The following PACS2 variants were observed in gnomAD, a reference collection of about 807,000 sequenced individuals.
PACS2 encodes the protein PACS1-like protein.
A neutral mutation model predicts 113.0 loss-of-function variants in PACS2; 36 were observed. The observed-to-expected ratio is 0.32, with a 90% CI of 0.24 to 0.42. PACS2 has a LOEUF of 0.42. Ranked by LOEUF, PACS2 falls within the 10% of genes least tolerant of loss-of-function variation. PACS2 has a pLI of 1.00. For missense variants in PACS2, 1,015 were observed against 1,239.5 expected (o/e 0.82, Z 2.72); for synonymous variants, 589 against 536.1 (o/e 1.10, Z -1.36).
Position 105,324,848 on chromosome 14 carries a change from C to A in PACS2, c.119+9811C>A, listed in dbSNP as rs587683572. ...GTCCTCTGCATGGTCAGGGGCCATG[C>A]TGGGTCCCCTGGGGTGCAGATGCCG... On this transcript the variant is annotated intron_variant, in intron 1 of 24. Coordinates refer to ENST00000447393, the MANE Select transcript of PACS2 (RefSeq NM_001100913.3). The surrounding 1 kb of genome is among the most constrained non-coding windows in gnomAD (Gnocchi z 4.7). Among the ~76,000 whole-genome samples, 5 of 152,228 alleles carry A rather than the reference C, an allele frequency of 3.3e-5. No homozygotes were observed. The East Asian group carries it at 9.7e-4, about 30-fold the overall frequency.
chr14:105,390,366 C>T (rs587632626), intron 20 of PACS2: 25 of 317,556 alleles, frequency 7.9e-5, no homozygotes, highest in African/African-American at 3.8e-4. Context: ...CCCAAGGCCC[C>T]GGGAGCTTCC....
At chr14:105,392,225 T>A (rs1463065274) in intron 22 of PACS2, 3 of 332,106 alleles carry the variant, frequency 9.0e-6, no homozygotes, top group Non-Finnish European at 1.7e-5. Flanking sequence ...CCAGGCGTGG[T>A]GCTGGTGCTG....
chr14:105,308,465 C>CA (rs1284386122), intron 1 of PACS2, among the ~76,000 whole-genome samples: 4 of 149,336 alleles, frequency 2.7e-5, no homozygotes, highest in Non-Finnish European at 5.9e-5. Flanking sequence ...CTGGGCACGA[C>CA]AGAGGCAGAT....
rs1248321130 is a variant in PACS2 at position 105,324,198 on chromosome 14, G to A, written c.119+9161G>A. Among the ~76,000 whole-genome samples, 2 of 152,218 alleles carry A rather than the reference G, an allele frequency of 1.3e-5. No individual in the cohort carries two copies. Among genetic ancestry groups the A allele is most frequent in the African/African-American group, 4.8e-5 (2 of 41,444 alleles). On this transcript the variant is annotated intron_variant, in intron 1 of 24. Transcript: ENST00000447393. The surrounding 1 kb of genome is among the most constrained non-coding windows in gnomAD (Gnocchi z 4.7). ...AGGTTTGATGGAGTGGGCAGCTGCG[G>A]TGCTGTGGCGGGGTCGGGGGGCTGC...
At chr14:105,379,365 C>T (rs2080899655) in intron 9 of PACS2, among the ~76,000 whole-genome samples, 1 of 152,226 alleles carries the variant, frequency 6.6e-6, no homozygotes, top group Admixed American at 6.5e-5. Flanking sequence ...CCCAGGGCTG[C>T]CCTCCAGCAG....
chr14:105,363,780 G>C (rs1385815265), intron 4 of PACS2, among the ~76,000 whole-genome samples: 5 of 152,134 alleles, frequency 3.3e-5, no homozygotes, highest in African/African-American at 1.2e-4. Flanking sequence ...TCTCGGCTCT[G>C]ACGTGCCTTC....
rs587602655 is a variant in PACS2, at chr14:105,323,953, C to T, written c.119+8916C>T. On this transcript the variant is annotated intron_variant, in intron 1 of 24. Coordinates refer to ENST00000447393, the MANE Select transcript of PACS2 (RefSeq NM_001100913.3). This position sits in a 1 kb window ranked among gnomAD's most constrained non-coding sequence, Gnocchi z 4.1. ...ACCGCTCTGTCCGCGCAGGCTGTGC[C>T]CTGCTTTCAAGATGCCTGGAAACCT... Among the ~76,000 whole-genome samples the T allele has an allele frequency of 2.2e-4, 34 of 152,370 alleles. No homozygotes were observed. Among genetic ancestry groups the T allele is most frequent in the African/African-American group, 8.2e-4 (34 of 41,602 alleles).
intron 2 of PACS2, among the ~76,000 whole-genome samples, chr14:105,350,835 C>G (rs1467410058): frequency 6.6e-6 from 1 of 152,220 alleles, no homozygotes; most frequent in Non-Finnish European, 1.5e-5. Flanking sequence ...AGGGGAGGAG[C>G]AGGGAGAGTC....
rs1378227346 is a variant in PACS2, at chr14:105,365,263, C to T, written c.424-1950C>T. ...CATCACCCCAGGGGAGTGCCCAGCT[C>T]AGGGGTGGCTGGCCCCTTGGCAGGA... On this transcript the variant is annotated intron_variant, in intron 4 of 24. Coordinates refer to ENST00000447393, the MANE Select transcript of PACS2 (RefSeq NM_001100913.3). This position sits in a 1 kb window ranked among gnomAD's most constrained non-coding sequence, Gnocchi z 5.1. Among the ~76,000 whole-genome samples, 1 of 152,216 alleles carries T rather than the reference C, an allele frequency of 6.6e-6. No homozygotes were observed. The highest frequency in any genetic ancestry group is 1.5e-5 in the Non-Finnish European group (1 of 68,028).
chr14:105,326,358 A>C (rs1240044459), intron 1 of PACS2, among the ~76,000 whole-genome samples: 1 of 152,236 alleles, frequency 6.6e-6, no homozygotes, highest in African/African-American at 2.4e-5. Flanking sequence ...TGGACATACC[A>C]GACATCCTGC....
chr14:105,308,675 G>T (rs1270568160), intron 1 of PACS2, among the ~76,000 whole-genome samples: 3 of 151,768 alleles, frequency 2.0e-5, no homozygotes, highest in African/African-American at 4.8e-5. Context: ...TAGAGACAGG[G>T]TTTCACCATG....
chr14:105,380,855 A>G, intron 11 of PACS2, 102 bp from the exon 12 acceptor site: 1 of 1,162,258 alleles, frequency 8.6e-7, no homozygotes. Flanking sequence ...CACGGCCTAG[A>G]GAGGCCTAAA....
rs182709213 is a variant in PACS2, at chr14:105,382,659, C to T, written c.1518+78C>T. ...TGGGTTCCTGAAGCTGCCCCCTACC[C>T]GGCACACCTGGGTGCTGGAGCTGCT... On this transcript the variant is annotated intron_variant, in intron 14 of 24. Transcript: ENST00000447393. 381 of 1,029,596 alleles carry T rather than the reference C, an allele frequency of 3.7e-4. 5 individuals are homozygous for T. In the Admixed American group the frequency reaches 5.8e-3, roughly 16 times the overall value. The allele number at this position is 1,029,596 out of a possible 1,614,324, so 63.8% of individuals were successfully genotyped here. A position where few individuals can be genotyped will look rare whatever the true frequency, so the allele number is the denominator to read the frequency against.
intron 17 of PACS2, 74 bp downstream of exon 17, chr14:105,384,537 C>A: frequency 1.1e-6 from 1 of 909,782 alleles, no homozygotes; most frequent in African/African-American, 1.6e-5. Flanking sequence ...ATGCTGTGCC[C>A]AGGAGGCCCT....
intron 9 of PACS2, among the ~76,000 whole-genome samples, chr14:105,379,309 GT>G (rs1436362442): frequency 3.9e-5 from 6 of 152,248 alleles, no homozygotes; most frequent in African/African-American, 1.2e-4. Flanking sequence ...TGCCCTTGTT[GT>G]TTTGTCGAGC....
intron 5 of PACS2, 145 bp from the exon 6 acceptor site, chr14:105,367,929 A>C (rs1362019201): frequency 1.5e-6 from 1 of 661,386 alleles, no homozygotes. Context: ...GGGCCACGGC[A>C]CCTGTGTCTG....
In PACS2 at chr14:105,392,790, T is replaced by G. The variant is rs782784441; in HGVS notation, c.2427T>G (p.Ala809=). Residue 809 remains alanine (A), a synonymous_variant, in exon 23 of 25, where the codon GCT becomes GCG. Coordinates refer to ENST00000447393, the MANE Select transcript of PACS2 (RefSeq NM_001100913.3). ...GCAGGCTGCCCAGCAGCGGCGAGGC[T>G]GCAGCCACGCCCACCATGTCCATGA... is the stretch of plus-strand genomic sequence containing the variant. ...QVSRLPSSGE[A]AATPTMSMTV... is the part of the protein sequence containing the mutation. The G allele has an allele frequency of 1.2e-6, 2 of 1,610,224 alleles. No homozygotes were observed. Among genetic ancestry groups the G allele is most frequent in the South Asian group, 2.2e-5 (2 of 91,068 alleles).
intron 19 of PACS2, among the ~76,000 whole-genome samples, chr14:105,386,603 T>C (rs1555413633): frequency 6.6e-6 from 1 of 151,964 alleles, no homozygotes; most frequent in East Asian, 1.9e-4. Context: ...CATGGGCTCG[T>C]TCTCTACCCC....
At chr14:105,362,872 G>A (rs2060785105) in intron 4 of PACS2, among the ~76,000 whole-genome samples, 2 of 152,178 alleles carry the variant, frequency 1.3e-5, no homozygotes, top group Non-Finnish European at 2.9e-5. Context: ...AGACTTGAAA[G>A]TTGAAATGAC....
Sources: gnomAD v4.1 joint callset for allele counts (sites outside exome capture counted in the v4.1 genomes callset) on GRCh38, gnomAD v4.1.1 for gene constraint, Gnocchi (gnomAD v3.1) non-coding constraint, MANE v1.5 for transcripts, NCBI Gene and HGNC (gene_info 2026-07-23, HGNC 2026-07-21) for gene names.